The following PTPRT variants were observed in gnomAD, a reference collection of about 807,000 sequenced individuals.
PTPRT encodes the protein receptor-type tyrosine-protein phosphatase T.
A neutral mutation model predicts 176.8 loss-of-function variants in PTPRT; 56 were observed. The observed-to-expected ratio is 0.32, with a 90% CI of 0.26 to 0.40. PTPRT has a LOEUF of 0.40. Ranked by LOEUF, PTPRT falls within the 10% of genes least tolerant of loss-of-function variation. The pLI is 1.00. For missense variants in PTPRT, 1,540 were observed against 1,908.2 expected, an observed-to-expected ratio of 0.81 and a Z score of 3.60; for synonymous variants, 783 against 739.0, an observed-to-expected ratio of 1.06 and a Z score of -0.96.
intron 8 of PTPRT, among the ~76,000 whole-genome samples, chr20:42,464,962 C>T (rs2071079933): frequency 6.6e-6 from 1 of 151,998 alleles, no homozygotes; most frequent in African/African-American, 2.4e-5. Flanking sequence ...GTCTTCCTTA[C>T]AATTCAAGTA....
chr20:42,516,607 C>T (rs1334165606), intron 7 of PTPRT, among the ~76,000 whole-genome samples: 1 of 152,102 alleles, frequency 6.6e-6, no homozygotes. Flanking sequence ...TTCATGGGCT[C>T]ATCTTTTTAC....
chr20:42,743,824 C>T (rs1459228312), intron 6 of PTPRT, among the ~76,000 whole-genome samples: 3 of 152,330 alleles, frequency 2.0e-5, no homozygotes, highest in South Asian at 2.1e-4. Context: ...CGGCTGTTTT[C>T]GGCATCTGCT....
intron 2 of PTPRT, among the ~76,000 whole-genome samples, chr20:42,877,693 A>G (rs530594847): frequency 1.3e-4 from 20 of 152,216 alleles, no homozygotes; most frequent in Non-Finnish European, 2.6e-4. Flanking sequence ...GTTCCTGCCT[A>G]CAAGAACCGA....
chr20:42,778,950 C>T (rs2077176430), intron 4 of PTPRT, among the ~76,000 whole-genome samples: 1 of 152,082 alleles, frequency 6.6e-6, no homozygotes, highest in Non-Finnish European at 1.5e-5. Context: ...AAAGAAGAGC[C>T]CAGTAGCATC....
At chr20:42,203,655 A>T (rs6030048) in intron 15 of PTPRT, among the ~76,000 whole-genome samples, 1 of 152,174 alleles carries the variant, frequency 6.6e-6, no homozygotes, top group Admixed American at 6.5e-5. Context: ...GTACATGTAT[A>T]AGTCTCTGCT....
the PTPRT span, among the ~76,000 whole-genome samples, chr20:42,036,691 G>A: frequency 6.6e-6 from 1 of 152,206 alleles, no homozygotes; most frequent in Non-Finnish European, 1.5e-5. Flanking sequence ...TTAAAGGGAA[G>A]AAAGTGAGAG....
intron 21 of PTPRT, among the ~76,000 whole-genome samples, chr20:42,117,175 C>T (rs189941137): frequency 1.3e-5 from 2 of 152,242 alleles, no homozygotes; most frequent in East Asian, 3.9e-4. Context: ...TCACCTGGTC[C>T]TAAATTCCCA....
chr20:43,067,183 G>A (rs1014895368), intron 1 of PTPRT, among the ~76,000 whole-genome samples: 1 of 151,550 alleles, frequency 6.6e-6, no homozygotes, highest in African/African-American at 2.4e-5. Context: ...GTATGGATGA[G>A]CCTTGAAAAT....
At chr20:42,316,190 C>A (rs936318725) in intron 11 of PTPRT, among the ~76,000 whole-genome samples, 194 bp from the exon 12 acceptor site, 3 of 152,198 alleles carry the variant, frequency 2.0e-5, no homozygotes, top group Non-Finnish European at 4.4e-5. Context: ...TGTCTCAGAG[C>A]CAGCTCACAC....
chr20:42,136,116 C>T (rs1444677750), intron 18 of PTPRT, among the ~76,000 whole-genome samples: 1 of 152,036 alleles, frequency 6.6e-6, no homozygotes, highest in African/African-American at 2.4e-5. Flanking sequence ...TCTCAACCCA[C>T]ATCCACTTAA....
chr20:42,448,383 G>A, intron 8 of PTPRT, 54 bp from the exon 9 acceptor site: 1 of 1,384,198 alleles, frequency 7.2e-7, no homozygotes, highest in East Asian at 2.3e-5. Flanking sequence ...CATTTCTCCA[G>A]CCCCGCTGAC....
chr20:42,546,694 T>C (rs1002121455), intron 7 of PTPRT, among the ~76,000 whole-genome samples: 1 of 152,192 alleles, frequency 6.6e-6, no homozygotes, highest in Non-Finnish European at 1.5e-5. Context: ...TTCCTTTCAC[T>C]TGAACACTTA....
intron 7 of PTPRT, among the ~76,000 whole-genome samples, chr20:42,609,805 C>A (rs921540096): frequency 1.3e-5 from 2 of 152,312 alleles, no homozygotes; most frequent in African/African-American, 4.8e-5. Context: ...CCCCCCAGGG[C>A]GGGTCTATGA....
At chr20:42,260,977 C>T (rs1470145390) in intron 13 of PTPRT, among the ~76,000 whole-genome samples, 1 of 152,152 alleles carries the variant, frequency 6.6e-6, no homozygotes, top group Non-Finnish European at 1.5e-5. Context: ...AAAGGCACAG[C>T]CCTTAAAGCT....
At chr20:43,109,076 AT>A (rs950152206) in intron 1 of PTPRT, among the ~76,000 whole-genome samples, 109 of 150,618 alleles carry the variant, frequency 7.2e-4, no homozygotes, top group African/African-American at 2.3e-3. Context: ...CCCATTTTCT[AT>A]TTTTTTTTCC....
intron 9 of PTPRT, among the ~76,000 whole-genome samples, chr20:42,363,272 A>T (rs188466489): frequency 0.026 from 379 of 14,824 alleles, 8 homozygotes; most frequent in Non-Finnish European, 0.028. Context: ...TATTACAATT[A>T]TATATATATA....
At position 43,049,113 on chromosome 20, in the gene PTPRT, C is replaced by T. The variant is rs550227137; in HGVS notation, c.88+140533G>A. Reference sequence around the variant, plus strand: ...TCCATCTCTCCTTCAATCCCAGGAACAGAAGAAAAGAACACCAATCACCTC... The same window carrying T: ...TCCATCTCTCCTTCAATCCCAGGAATAGAAGAAAAGAACACCAATCACCTC... On this transcript the variant is annotated intron_variant, in intron 1 of 30. Coordinates refer to ENST00000373187, the MANE Select transcript of PTPRT (RefSeq NM_007050.6). 1.2e-3 allele frequency among the ~76,000 whole-genome samples: 189 copies of T among 152,266 alleles called. 1 individual carries two copies. The highest frequency in any genetic ancestry group is 4.4e-3 in the African/African-American group (183 of 41,564).
chr20:43,007,560 G>A (rs764748447), intron 1 of PTPRT, among the ~76,000 whole-genome samples: 1 of 152,258 alleles, frequency 6.6e-6, no homozygotes, highest in Middle Eastern at 3.4e-3. Context: ...TGAATCCAAC[G>A]GAATTATCCA....
intron 1 of PTPRT, among the ~76,000 whole-genome samples, chr20:43,061,113 T>TGGAC (rs1987442479): frequency 6.6e-6 from 1 of 151,662 alleles, no homozygotes; most frequent in Non-Finnish European, 1.5e-5. Flanking sequence ...GATGGATGGA[T>TGGAC]GGATGGATGG....
Sources: allele counts gnomAD v4.1 joint callset (sites outside exome capture counted in the v4.1 genomes callset), GRCh38; gene constraint gnomAD v4.1.1; transcripts MANE v1.5; gene names NCBI Gene and HGNC (gene_info 2026-07-23, HGNC 2026-07-21).